The following CTNNA3 variants were observed in gnomAD, a reference collection of about 807,000 sequenced individuals.
The protein encoded by CTNNA3 is catenin alpha 3, also known as catenin alpha-3.
Under a neutral mutation model 95.7 loss-of-function variants are expected in CTNNA3, and 76 were observed. The observed-to-expected ratio is 0.79, with a 90% CI of 0.66 to 0.96. CTNNA3 has a LOEUF of 0.96. Ranked by LOEUF, CTNNA3 falls within the 40% of genes least tolerant of loss-of-function variation. The pLI is 0.00. For synonymous variants in CTNNA3, 431 were observed against 374.4 expected, an observed-to-expected ratio of 1.15 and a Z score of -1.74; for missense variants, 1,191 against 1,089.8, an observed-to-expected ratio of 1.09 and a Z score of -1.31.
chr10:66,485,183 G>A lies in CTNNA3; in HGVS notation c.1531+35434C>T, dbSNP rs143106198. Among the ~76,000 whole-genome samples, 7 of 152,210 alleles carry A rather than the reference G, an allele frequency of 4.6e-5. No homozygotes were observed. In the South Asian group the frequency reaches 6.2e-4, roughly 14 times the overall value. Reference sequence around the variant, plus strand: ...CTATGATCAGGAATAAGAAAAGTGTGCATACTTTTGCCAATTCTATTAAAC... The same window carrying A: ...CTATGATCAGGAATAAGAAAAGTGTACATACTTTTGCCAATTCTATTAAAC... On this transcript the variant is annotated intron_variant, in intron 11 of 17. Transcript: ENST00000433211.
At chr10:67,140,440 A>G (rs1007312257) in intron 7 of CTNNA3, among the ~76,000 whole-genome samples, 1 of 152,182 alleles carries the variant, frequency 6.6e-6, no homozygotes, top group South Asian at 2.1e-4. Flanking sequence ...TAATAATTAC[A>G]TATAACTGGT....
At chr10:66,669,004 T>C (rs762361094) in intron 9 of CTNNA3, among the ~76,000 whole-genome samples, 3 of 152,144 alleles carry the variant, frequency 2.0e-5, no homozygotes, top group Non-Finnish European at 4.4e-5. Context: ...ATATCTTGGA[T>C]ATTATCCATA....
intron 7 of CTNNA3, among the ~76,000 whole-genome samples, chr10:66,782,635 T>C (rs1368702327): frequency 1.3e-5 from 2 of 152,118 alleles, no homozygotes; most frequent in African/African-American, 4.8e-5. Flanking sequence ...AAATCTGTCA[T>C]TTGTATCTAC....
chr10:66,782,519 T>C (rs1374420561), intron 7 of CTNNA3, among the ~76,000 whole-genome samples: 1 of 152,190 alleles, frequency 6.6e-6, no homozygotes, highest in Non-Finnish European at 1.5e-5. Context: ...TTACAAATCA[T>C]CTCATTTGTT....
At chr10:66,425,639 A>G (rs891530434) in intron 11 of CTNNA3, among the ~76,000 whole-genome samples, 2 of 151,872 alleles carry the variant, frequency 1.3e-5, no homozygotes, top group African/African-American at 4.8e-5. Context: ...CTATATACAC[A>G]TTTGTAGTTT....
chr10:67,634,620 G>A (rs1010718891), intron 2 of CTNNA3, among the ~76,000 whole-genome samples: 1 of 152,044 alleles, frequency 6.6e-6, no homozygotes, highest in Non-Finnish European at 1.5e-5. Flanking sequence ...CAAAATAAAG[G>A]GATGGAGGAA....
intron 7 of CTNNA3, among the ~76,000 whole-genome samples, chr10:66,896,183 T>G (rs955912750): frequency 6.6e-6 from 1 of 152,188 alleles, no homozygotes; most frequent in Admixed American, 6.5e-5. Flanking sequence ...ATCTGATATT[T>G]ATTCTAAAAT....
chr10:66,370,474 CAAA>C (rs1324358225), intron 12 of CTNNA3, among the ~76,000 whole-genome samples: 1 of 152,116 alleles, frequency 6.6e-6, no homozygotes, highest in Non-Finnish European at 1.5e-5. Context: ...AATTATCTTT[CAAA>C]GATACTTAAC....
chr10:66,443,334 G>T (rs1386295030), intron 11 of CTNNA3, among the ~76,000 whole-genome samples: 1 of 152,192 alleles, frequency 6.6e-6, no homozygotes, highest in African/African-American at 2.4e-5. Context: ...CGCAGCTGGA[G>T]ATCTGAGAAC....
chr10:67,682,882 A>G (rs1840653798), intron 1 of CTNNA3, among the ~76,000 whole-genome samples: 1 of 152,222 alleles, frequency 6.6e-6, no homozygotes, highest in Admixed American at 6.5e-5. Flanking sequence ...ACATACACAG[A>G]GTAAAACACG....
At chr10:67,062,766 G>C (rs1315356394) in intron 7 of CTNNA3, among the ~76,000 whole-genome samples, 1 of 152,072 alleles carries the variant, frequency 6.6e-6, no homozygotes, top group East Asian at 1.9e-4. Context: ...ATTTGATTCT[G>C]CTAATGAGGT....
chr10:67,437,486 T>G (rs901598676), intron 5 of CTNNA3, among the ~76,000 whole-genome samples: 6 of 151,498 alleles, frequency 4.0e-5, no homozygotes, highest in African/African-American at 1.5e-4. Flanking sequence ...CCCAATAAAT[T>G]TAATAAATAC....
intron 12 of CTNNA3, among the ~76,000 whole-genome samples, chr10:66,360,635 CTT>C (rs1172595976): frequency 7.2e-5 from 4 of 55,326 alleles, no homozygotes; most frequent in African/African-American, 2.6e-4. Flanking sequence ...TTCTTTCTTT[CTT>C]TCTTTCTTTC....
chr10:66,144,524 G>T (rs1294139380), intron 13 of CTNNA3, among the ~76,000 whole-genome samples: 1 of 151,368 alleles, frequency 6.6e-6, no homozygotes, highest in Non-Finnish European at 1.5e-5. Flanking sequence ...TTTCGCTCGT[G>T]TTGCCCAGGC....
chr10:66,690,065 A>G (rs1397504578), intron 9 of CTNNA3, among the ~76,000 whole-genome samples: 1 of 152,162 alleles, frequency 6.6e-6, no homozygotes, highest in East Asian at 1.9e-4. Flanking sequence ...AGAAATTTGG[A>G]AAAGGGAAAT....
intron 17 of CTNNA3, among the ~76,000 whole-genome samples, chr10:65,925,243 C>G (rs1232001360): frequency 1.3e-5 from 2 of 151,926 alleles, no homozygotes; most frequent in African/African-American, 4.8e-5. Flanking sequence ...ACTTGTTCTG[C>G]AGATTACTTC....
At chr10:66,585,784 G>C (rs1477606383) in intron 10 of CTNNA3, among the ~76,000 whole-genome samples, 1 of 151,976 alleles carries the variant, frequency 6.6e-6, no homozygotes, top group Non-Finnish European at 1.5e-5. Flanking sequence ...TGGATCCACT[G>C]CTGGAGAGTC....
chr10:66,534,163 T>C (rs1003604558), intron 10 of CTNNA3, among the ~76,000 whole-genome samples: 3 of 152,118 alleles, frequency 2.0e-5, no homozygotes, highest in African/African-American at 7.2e-5. Context: ...ATGGAACTGT[T>C]ATGCTCAAAA....
intron 1 of CTNNA3, among the ~76,000 whole-genome samples, chr10:67,727,643 T>TG (rs1841245329): frequency 7.8e-6 from 1 of 128,216 alleles, no homozygotes; most frequent in East Asian, 2.1e-4. Flanking sequence ...ATATTATATA[T>TG]TATTATATTA....
Sources: allele counts gnomAD v4.1 joint callset (sites outside exome capture counted in the v4.1 genomes callset), GRCh38; gene constraint gnomAD v4.1.1; transcripts MANE v1.5; gene names NCBI Gene and HGNC (gene_info 2026-07-23, HGNC 2026-07-21).